GRID2: variants seen among roughly 807,000 people sequenced by gnomAD.
GRID2 encodes glutamate ionotropic receptor delta type subunit 2, also known as glutamate receptor ionotropic, delta-2.
GRID2 carries 33 observed loss-of-function variants against 114.8 expected under a neutral mutation model. That is an observed-to-expected ratio of 0.29 (90% confidence interval 0.22 to 0.38). GRID2 has a LOEUF of 0.38. Ranked by LOEUF, GRID2 falls within the 10% of genes least tolerant of loss-of-function variation. The probability of loss-of-function intolerance (pLI) is 1.00; values close to 1 mark genes in which losing one functional copy is unlikely to be tolerated. For missense variants in GRID2, 1,184 were observed against 1,257.7 expected, an observed-to-expected ratio of 0.94 and a Z score of 0.89; for synonymous variants, 505 against 449.9, an observed-to-expected ratio of 1.12 and a Z score of -1.55.
At chr4:93,423,076 G>C (rs1293927540) in intron 10 of GRID2, 108 bp downstream of exon 10, 1 of 755,842 alleles carries the variant, frequency 1.3e-6, no homozygotes, top group Non-Finnish European at 2.2e-6. Context: ...TAAAATAAGT[G>C]TGATGTATTT....
At chr4:93,420,380 G>A (rs1309112857) in intron 9 of GRID2, among the ~76,000 whole-genome samples, 1 of 152,058 alleles carries the variant, frequency 6.6e-6, no homozygotes, top group Non-Finnish European at 1.5e-5. Context: ...TTTGTACAAG[G>A]CGTAATCATT....
intron 4 of GRID2, among the ~76,000 whole-genome samples, chr4:93,183,628 C>T (rs765636441): frequency 9.2e-5 from 14 of 152,102 alleles, no homozygotes; most frequent in Non-Finnish European, 1.8e-4. Flanking sequence ...CAATGTAGGG[C>T]AATTCTGTTC....
chr4:92,843,676 T>C (rs1015299774), intron 2 of GRID2, among the ~76,000 whole-genome samples: 3 of 152,174 alleles, frequency 2.0e-5, no homozygotes, highest in Non-Finnish European at 4.4e-5. Flanking sequence ...ACTTGGTTTC[T>C]GTTGAACGAC....
At chr4:93,726,827 A>G (rs2110210495) in intron 14 of GRID2, among the ~76,000 whole-genome samples, 1 of 152,314 alleles carries the variant, frequency 6.6e-6, no homozygotes, top group African/African-American at 2.4e-5. Flanking sequence ...ATTTTTGTAC[A>G]TTGATTTTGT....
intron 8 of GRID2, among the ~76,000 whole-genome samples, chr4:93,360,428 A>T (rs17020506): frequency 3.3e-5 from 5 of 151,966 alleles, no homozygotes; most frequent in African/African-American, 1.2e-4. Context: ...TCTGAGATCA[A>T]TTTGGCTTTA....
At chr4:93,598,889 T>C (rs1479599966) in intron 13 of GRID2, among the ~76,000 whole-genome samples, 1 of 152,208 alleles carries the variant, frequency 6.6e-6, no homozygotes, top group Non-Finnish European at 1.5e-5. Context: ...ATATTGAGTA[T>C]ATACTGTAAT....
chr4:92,433,487 C>G (rs1164622654), intron 1 of GRID2, among the ~76,000 whole-genome samples: 1 of 152,192 alleles, frequency 6.6e-6, no homozygotes, highest in Non-Finnish European at 1.5e-5. Flanking sequence ...CTGTGGGTGC[C>G]AGCTGAATTT....
chr4:92,411,763 T>C (rs1194411536), intron 1 of GRID2, among the ~76,000 whole-genome samples: 3 of 150,812 alleles, frequency 2.0e-5, no homozygotes, highest in African/African-American at 7.3e-5. Flanking sequence ...TGGAGTGCAG[T>C]GGCGCGATCT....
chr4:92,916,963 G>C (rs897380471), intron 2 of GRID2, among the ~76,000 whole-genome samples: 2 of 152,136 alleles, frequency 1.3e-5, no homozygotes, highest in Admixed American at 6.6e-5. Context: ...GGTTGAACTA[G>C]TTAACAGTCC....
chr4:92,750,106 C>A (rs1737373125), intron 2 of GRID2, among the ~76,000 whole-genome samples: 1 of 152,142 alleles, frequency 6.6e-6, no homozygotes, highest in Admixed American at 6.5e-5. Flanking sequence ...GCTGATCTGC[C>A]CACCTCGGCC....
intron 2 of GRID2, among the ~76,000 whole-genome samples, chr4:92,749,007 T>C (rs1737299874): frequency 1.3e-5 from 2 of 151,656 alleles, no homozygotes; most frequent in South Asian, 4.2e-4. Flanking sequence ...TATTTATTTA[T>C]TTTTGGAGGC....
At chr4:93,705,098 AT>A (rs1294564877) in intron 14 of GRID2, among the ~76,000 whole-genome samples, 1 of 152,190 alleles carries the variant, frequency 6.6e-6, no homozygotes, top group East Asian at 1.9e-4. Flanking sequence ...TTTGCTCCAC[AT>A]CCTTACCAGC....
intron 8 of GRID2, among the ~76,000 whole-genome samples, chr4:93,316,316 G>GAAAGAAAGAAAA (rs1756619352): frequency 7.2e-6 from 1 of 137,964 alleles, no homozygotes; most frequent in South Asian, 2.3e-4. Context: ...AAGAAAGAAA[G>GAAAGAAAGAAAA]AAAGAAAGAA....
At chr4:92,810,395 C>G (rs979652163) in intron 2 of GRID2, among the ~76,000 whole-genome samples, 2 of 152,010 alleles carry the variant, frequency 1.3e-5, no homozygotes, top group African/African-American at 4.8e-5. Context: ...ACTCATGTGA[C>G]AGTTGCACTA....
chr4:92,697,583 A>G (rs2149298369), intron 2 of GRID2, among the ~76,000 whole-genome samples: 1 of 152,294 alleles, frequency 6.6e-6, no homozygotes, highest in Non-Finnish European at 1.5e-5. Flanking sequence ...TTGTAGTAAT[A>G]TCAGCCTATG....
intron 11 of GRID2, among the ~76,000 whole-genome samples, chr4:93,458,729 AG>A (rs1316771960): frequency 1.3e-5 from 2 of 152,248 alleles, no homozygotes; most frequent in Admixed American, 6.5e-5. Flanking sequence ...ACAATGAATT[AG>A]ACTCAGCGGC....
chr4:93,338,618 C>T (rs1759325966), intron 8 of GRID2, among the ~76,000 whole-genome samples: 1 of 152,102 alleles, frequency 6.6e-6, no homozygotes, highest in African/African-American at 2.4e-5. Flanking sequence ...AACCAGCTCA[C>T]AAAACTTCTG....
intron 2 of GRID2, among the ~76,000 whole-genome samples, chr4:92,960,139 A>AT (rs1752706329): frequency 6.6e-6 from 1 of 152,008 alleles, no homozygotes; most frequent in Non-Finnish European, 1.5e-5. Context: ...ACATTGTTTG[A>AT]TTCCTATTCT....
intron 1 of GRID2, among the ~76,000 whole-genome samples, chr4:92,505,778 G>A (rs1723933689): frequency 6.6e-6 from 1 of 152,000 alleles, no homozygotes; most frequent in Non-Finnish European, 1.5e-5. Flanking sequence ...ATATCTTTTA[G>A]TGCAATGTAT....
Sources: gnomAD v4.1 joint callset for allele counts (sites outside exome capture counted in the v4.1 genomes callset) on GRCh38, gnomAD v4.1.1 for gene constraint, MANE v1.5 for transcripts, NCBI Gene and HGNC (gene_info 2026-07-23, HGNC 2026-07-21) for gene names.